OOSP1: variants seen among roughly 807,000 people sequenced by gnomAD.
OOSP1 encodes oocyte secreted protein 1.
Under a neutral mutation model 5.7 loss-of-function variants are expected in OOSP1, and 11 were observed. The ratio of observed to expected loss-of-function variants is 1.94; its 90% CI spans 1.22 to 3.20. The LOEUF (loss-of-function observed/expected upper bound fraction) is 3.20. Among genes scored for constraint, OOSP1 ranks in the 30% most tolerant of loss-of-function variants. The pLI is 0.00. For synonymous variants in OOSP1, 44 were observed against 20.0 expected (o/e 2.20, Z -3.20); for missense variants, 83 against 54.1 (o/e 1.53, Z -1.67).
At chr11:59,949,938 C>T (rs1241683064) in intron 4 of OOSP1, among the ~76,000 whole-genome samples, 1 of 152,150 alleles carries the variant, frequency 6.6e-6, no homozygotes, top group East Asian at 1.9e-4. Context: ...GTGTTAGTGT[C>T]CTACTGGCAT....
At chr11:59,940,821 T>A (rs1342531611) in intron 1 of OOSP1, among the ~76,000 whole-genome samples, 1 of 152,234 alleles carries the variant, frequency 6.6e-6, no homozygotes, top group African/African-American at 2.4e-5. Flanking sequence ...AATAACTGGT[T>A]TTACATTTAA....
intron 4 of OOSP1, among the ~76,000 whole-genome samples, chr11:59,953,315 T>G (rs1432115381): frequency 2.0e-5 from 3 of 152,104 alleles, no homozygotes; most frequent in Non-Finnish European, 4.4e-5. Flanking sequence ...TTCCTGCTAC[T>G]CAGGCTCTGG....
chr11:59,952,467 G>A (rs1004388110), intron 4 of OOSP1, among the ~76,000 whole-genome samples: 1 of 152,070 alleles, frequency 6.6e-6, no homozygotes, highest in Non-Finnish European at 1.5e-5. Flanking sequence ...AAAAGGAATG[G>A]CATAATGTCT....
intron 1 of OOSP1, among the ~76,000 whole-genome samples, chr11:59,939,919 A>T (rs1015417698): frequency 2.6e-5 from 4 of 152,026 alleles, no homozygotes; most frequent in African/African-American, 9.7e-5. Context: ...ATTAAAAAAA[A>T]ATTTTTTGTA....
Position 59,940,310 on chromosome 11 carries a change from A to C in OOSP1, c.76+1780A>C, listed in dbSNP as rs74954014. On this transcript the variant is annotated intron_variant, in intron 1 of 4. Coordinates refer to ENST00000646685, the Ensembl canonical transcript of OOSP1. ...AATTTGCTACATTTGCTTACATTTTATTTTCTAATAGAAGTAAAAGTTCAG... is the reference window on the plus strand; with the variant it reads ...AATTTGCTACATTTGCTTACATTTTCTTTTCTAATAGAAGTAAAAGTTCAG... Among the ~76,000 whole-genome samples the C allele has an allele frequency of 3.4e-3, 517 of 152,288 alleles. 3 individuals are homozygous for C. Among genetic ancestry groups the C allele is most frequent in the Non-Finnish European group, 6.1e-3 (417 of 68,018 alleles).
chr11:59,946,789 G>A (rs1853887793), intron 3 of OOSP1, among the ~76,000 whole-genome samples: 1 of 150,690 alleles, frequency 6.6e-6, no homozygotes, highest in Admixed American at 6.6e-5. Context: ...TTGGGAGAGA[G>A]ACATCTTAAA....
chr11:59,949,810 G>A (rs993212726), intron 4 of OOSP1, among the ~76,000 whole-genome samples: 2 of 152,170 alleles, frequency 1.3e-5, no homozygotes, highest in African/African-American at 4.8e-5. Flanking sequence ...AGGAAGCAGC[G>A]ACTGAAGTAG....
exon 1 of OOSP1, chr11:59,938,504 T>A (rs1237666698): frequency 1.6e-6 from 1 of 625,990 alleles, no homozygotes; most frequent in Non-Finnish European, 2.9e-6. Flanking sequence ...CATTCCTTGA[T>A]ATGGACCTGC....
rs17597821 is a variant in OOSP1, at chr11:59,943,717, C to A, written c.258+689C>A. Among the ~76,000 whole-genome samples, 335 of 152,288 alleles carry A rather than the reference C, an allele frequency of 2.2e-3. 1 individual carries two copies. Among genetic ancestry groups the A allele is most frequent in the Non-Finnish European group, 3.6e-3 (247 of 68,014 alleles). On this transcript the variant is annotated intron_variant, in intron 2 of 4. Coordinates refer to ENST00000646685, the Ensembl canonical transcript of OOSP1. ...GTAACACTAATCAAGCATCAGAAGC[C>A]TTTTCAAAGTAAATATTCAGTGATC...
exon 2 of OOSP1, chr11:59,942,997 A>G (rs766441769): frequency 4.7e-5 from 33 of 702,776 alleles, no homozygotes; most frequent in Non-Finnish European, 7.8e-5. Context: ...GAGTTTTTCT[A>G]CCATCCTCAT....
Position 59,947,866 on chromosome 11 carries a change from A to G in OOSP1, c.486+4A>G, listed in dbSNP as rs1853901933. The G allele has an allele frequency of 2.5e-6, 1 of 398,820 alleles. No homozygotes were observed. The highest frequency in any genetic ancestry group is 3.6e-5 in the East Asian group (1 of 28,074). 24.7% of individuals were successfully genotyped at this position (398,820 alleles called of 1,614,324 possible). A position where few individuals can be genotyped will look rare whatever the true frequency, so the allele number is the denominator to read the frequency against. ...TAACTTCTGCAACACAATCTTGGTA[A>G]GAACCCTTCAAAACTGGCATCTTAT... is the stretch of plus-strand genomic sequence containing the variant. On this transcript the variant is annotated splice_donor_region_variant and intron_variant, in intron 4 of 4. Transcript: ENST00000646685.
chr11:59,947,279 ATTC>A lies in OOSP1; in HGVS notation c.357-445_357-443del, dbSNP rs532083328. Reference sequence around the variant, plus strand: ...CTTCTGCTAACTCAATGAGGTAGATATTCTTCTTCTTTTTTTTTGATTTTTAAG... The same window carrying A: ...CTTCTGCTAACTCAATGAGGTAGATATTCTTCTTTTTTTTTGATTTTTAAG... On this transcript the variant is annotated intron_variant, in intron 3 of 4. Transcript: ENST00000646685. Among the ~76,000 whole-genome samples, 81 of 152,034 alleles carry A rather than the reference ATTC, an allele frequency of 5.3e-4. No individual in the cohort carries two copies. In the South Asian group the frequency reaches 0.015, roughly 29 times the overall value.
chr11:59,954,629 T>C (rs978889392), intron 4 of OOSP1, among the ~76,000 whole-genome samples: 2 of 148,230 alleles, frequency 1.3e-5, no homozygotes, highest in South Asian at 2.2e-4. Context: ...TGAAGGGACT[T>C]TATCTATCTA....
At chr11:59,945,676 A>G (rs548969064) in intron 3 of OOSP1, among the ~76,000 whole-genome samples, 112 of 140,534 alleles carry the variant, frequency 8.0e-4, no homozygotes, top group Non-Finnish European at 1.0e-3. Flanking sequence ...GCGTGAACCC[A>G]GGAGGCAGAG....
intron 4 of OOSP1, among the ~76,000 whole-genome samples, chr11:59,955,913 T>C (rs1052968590): frequency 6.6e-6 from 1 of 152,196 alleles, no homozygotes; most frequent in Non-Finnish European, 1.5e-5. Context: ...ATTACAGGCA[T>C]GGGCCACTGT....
chr11:59,950,117 G>A (rs529482999), intron 4 of OOSP1, among the ~76,000 whole-genome samples: 47 of 152,272 alleles, frequency 3.1e-4, no homozygotes, highest in African/African-American at 1.0e-3. Context: ...AAGATTTGCA[G>A]ACAGCTAGAT....
intron 4 of OOSP1, among the ~76,000 whole-genome samples, chr11:59,950,864 A>C (rs1371480599): frequency 6.6e-6 from 1 of 152,084 alleles, no homozygotes; most frequent in African/African-American, 2.4e-5. Context: ...ACTAGTGTAT[A>C]AGATAAGTAC....
At chr11:59,941,844 G>C (rs540518450) in intron 1 of OOSP1, among the ~76,000 whole-genome samples, 2 of 152,280 alleles carry the variant, frequency 1.3e-5, no homozygotes, top group South Asian at 4.1e-4. Flanking sequence ...CAATGTATGA[G>C]TGACCCAGTT....
chr11:59,952,334 T>C (rs1028418571), intron 4 of OOSP1, among the ~76,000 whole-genome samples: 1 of 152,124 alleles, frequency 6.6e-6, no homozygotes, highest in African/African-American at 2.4e-5. Flanking sequence ...AGAAGACATG[T>C]ATGCTTATAG....
Sources: allele counts gnomAD v4.1 joint callset (sites outside exome capture counted in the v4.1 genomes callset), GRCh38; gene constraint gnomAD v4.1.1; transcripts MANE v1.5; gene names NCBI Gene and HGNC (gene_info 2026-07-23, HGNC 2026-07-21).